IL1RAPL2: variants seen among roughly 807,000 people sequenced by gnomAD.
IL1RAPL2 encodes X-linked interleukin-1 receptor accessory protein-like 2.
Under a neutral mutation model 44.1 loss-of-function variants are expected in IL1RAPL2, and 3 were observed. The observed-to-expected ratio is 0.07, with a 90% CI of 0.03 to 0.18. The LOEUF is 0.18. Among genes scored for constraint, IL1RAPL2 ranks in the 10% least tolerant of loss-of-function variants. The probability of loss-of-function intolerance (pLI) is 1.00; values close to 1 mark genes in which losing one functional copy is unlikely to be tolerated. For synonymous variants in IL1RAPL2, 181 were observed against 178.8 expected, an observed-to-expected ratio of 1.01 and a Z score of -0.10; for missense variants, 391 against 496.4, an observed-to-expected ratio of 0.79 and a Z score of 2.02.
At chrX:105,030,688 C>T (rs192182832) in intron 2 of IL1RAPL2, among the ~76,000 whole-genome samples, 292 of 111,595 alleles carry the variant, frequency 2.6e-3, no homozygotes, top group African/African-American at 8.8e-3. Context: ...GTGATGCCTC[C>T]GGCTTTGTTC....
chrX:105,618,260 C>T (rs2037392884), intron 6 of IL1RAPL2, among the ~76,000 whole-genome samples: 1 of 109,465 alleles, frequency 9.1e-6, no homozygotes, highest in Non-Finnish European at 1.9e-5. Context: ...GAACAACAGA[C>T]ACTGGGGTAT....
intron 5 of IL1RAPL2, among the ~76,000 whole-genome samples, chrX:105,368,472 A>G (rs968468719): frequency 1.2e-4 from 13 of 111,772 alleles, no homozygotes; most frequent in African/African-American, 4.2e-4. Context: ...GTTAGTTGGC[A>G]TATTTTTTCT....
At chrX:104,589,723 C>T (rs774512127) in intron 1 of IL1RAPL2, among the ~76,000 whole-genome samples, 1 of 111,117 alleles carries the variant, frequency 9.0e-6, no homozygotes, top group African/African-American at 3.3e-5. Context: ...TGTTAGTAGC[C>T]GATGTTATGT....
chrX:104,691,497 C>G (rs774759403), intron 2 of IL1RAPL2, among the ~76,000 whole-genome samples: 2 of 112,156 alleles, frequency 1.8e-5, no homozygotes, highest in Non-Finnish European at 3.8e-5. Context: ...AAATGACAGA[C>G]AAGACAAATG....
At chrX:104,697,116 C>A (rs1215719175) in intron 2 of IL1RAPL2, among the ~76,000 whole-genome samples, 2 of 112,659 alleles carry the variant, frequency 1.8e-5, no homozygotes, top group East Asian at 2.8e-4. Context: ...GCTCCCCTAA[C>A]ACATTTAAGA....
At chrX:104,940,245 T>C (rs909111865) in intron 2 of IL1RAPL2, among the ~76,000 whole-genome samples, 2 of 111,822 alleles carry the variant, frequency 1.8e-5, no homozygotes, top group African/African-American at 3.2e-5. Context: ...CAGTATTTTA[T>C]GATTTTTCAG....
At chrX:105,180,960 C>T (rs1602995327) in intron 2 of IL1RAPL2, among the ~76,000 whole-genome samples, 1 of 111,629 alleles carries the variant, frequency 9.0e-6, no homozygotes, top group South Asian at 3.7e-4. Flanking sequence ...TCTATCTGTT[C>T]CTGGGGTTTT....
chrX:104,884,205 AGT>A (rs1393039744), intron 2 of IL1RAPL2, among the ~76,000 whole-genome samples: 5 of 109,188 alleles, frequency 4.6e-5, no homozygotes, highest in Non-Finnish European at 9.5e-5. Flanking sequence ...CAAGGGTGCA[AGT>A]TTTTGAGAAT....
At chrX:105,466,274 CAT>C (rs1485668572) in intron 5 of IL1RAPL2, among the ~76,000 whole-genome samples, 1 of 109,156 alleles carries the variant, frequency 9.2e-6, no homozygotes, top group African/African-American at 3.3e-5. Flanking sequence ...ATTGTTAAGA[CAT>C]ATTCAGTCAA....
intron 7 of IL1RAPL2, among the ~76,000 whole-genome samples, chrX:105,726,568 C>A (rs2038353805): frequency 9.0e-6 from 1 of 111,351 alleles, no homozygotes; most frequent in Admixed American, 9.6e-5. Flanking sequence ...CACTGTTTCT[C>A]CCAAGGTCAT....
intron 1 of IL1RAPL2, among the ~76,000 whole-genome samples, chrX:104,577,377 G>A (rs1263754524): frequency 8.9e-6 from 1 of 112,012 alleles, no homozygotes; most frequent in African/African-American, 3.2e-5. Flanking sequence ...CTACACAGCT[G>A]TGCAGTTTTT....
At chrX:105,220,597 C>G (rs1200248568) in intron 3 of IL1RAPL2, 1 of 366,718 alleles carries the variant, frequency 2.7e-6, no homozygotes, top group African/African-American at 2.5e-5. Flanking sequence ...GGCCTCACCT[C>G]TTCAGCCAGG....
chrX:104,810,085 T>TA (rs1331095399), intron 2 of IL1RAPL2, among the ~76,000 whole-genome samples: 1 of 110,134 alleles, frequency 9.1e-6, no homozygotes, highest in East Asian at 2.8e-4. Context: ...TATGCAGCCA[T>TA]AAAAAATGAT....
intron 5 of IL1RAPL2, among the ~76,000 whole-genome samples, chrX:105,293,307 A>T (rs7058620): frequency 0.037 from 4,082 of 111,791 alleles, 206 homozygotes; most frequent in African/African-American, 0.12. Flanking sequence ...TTGGGATTTA[A>T]TATTGTTTGA....
chrX:105,619,035 G>A (rs2037399760), intron 6 of IL1RAPL2, among the ~76,000 whole-genome samples: 1 of 110,839 alleles, frequency 9.0e-6, no homozygotes, highest in Non-Finnish European at 1.9e-5. Flanking sequence ...AGAGTTCTTA[G>A]TCGGGACAGA....
rs150382690 is a variant in IL1RAPL2, at chrX:104,925,920, A to G, written c.82+266925A>G. 7.8e-3 allele frequency among the ~76,000 whole-genome samples: 873 copies of G among 112,217 alleles called. 14 individuals are homozygous for G. Among genetic ancestry groups the G allele is most frequent in the African/African-American group, 0.027 (820 of 30,932 alleles). On this transcript the variant is annotated intron_variant, in intron 2 of 10. Transcript: ENST00000372582. Reference sequence around the variant, plus strand: ...AGGAAGTCAAACTATCCCTTTTTGCAGATAACATGATTCTGTATCTAGAAA... The same window carrying G: ...AGGAAGTCAAACTATCCCTTTTTGCGGATAACATGATTCTGTATCTAGAAA...
chrX:104,855,681 G>GTGTTTTTTTTTTTTTTTTTTTT lies in IL1RAPL2; in HGVS notation c.82+196687_82+196688insGTTTTTTTTTTTTTTTTTTTTT. 1.3e-3 allele frequency among the ~76,000 whole-genome samples: 70 copies of GTGTTTTTTTTTTTTTTTTTTTT among 53,861 alleles called. 10 individuals carry two copies. The highest frequency in any genetic ancestry group is 1.9e-3 in the Non-Finnish European group (46 of 24,619). 46.8% of individuals were successfully genotyped at this position (53,861 alleles called of 115,157 possible). A position where few individuals can be genotyped will look rare whatever the true frequency, so the allele number is the denominator to read the frequency against. ...TTAACTGTGCTAAGGATCTGGATCC[G>GTGTTTTTTTTTTTTTTTTTTTT]TTTTTTTTTTTTTTTTTACTGTATC... On this transcript the variant is annotated intron_variant, in intron 2 of 10. Transcript: ENST00000372582.
chrX:104,593,034 A>G (rs774479506), intron 1 of IL1RAPL2, among the ~76,000 whole-genome samples: 11 of 111,996 alleles, frequency 9.8e-5, no homozygotes, highest in Non-Finnish European at 1.7e-4. Flanking sequence ...CACATTGATC[A>G]GAAAGAAAGA....
intron 2 of IL1RAPL2, among the ~76,000 whole-genome samples, chrX:104,860,783 G>A (rs1922471415): frequency 9.0e-6 from 1 of 110,955 alleles, no homozygotes; most frequent in African/African-American, 3.3e-5. Flanking sequence ...ACGAAATAAA[G>A]AATCTTGGTG....
Sources: allele counts gnomAD v4.1 joint callset (sites outside exome capture counted in the v4.1 genomes callset), GRCh38; gene constraint gnomAD v4.1.1; transcripts MANE v1.5; gene names NCBI Gene and HGNC (gene_info 2026-07-23, HGNC 2026-07-21).